RRBP1: variants seen among roughly 807,000 people sequenced by gnomAD.
The protein encoded by RRBP1 is ribosome-binding protein 1.
A neutral mutation model predicts 165.2 loss-of-function variants in RRBP1; 94 were observed. The ratio of observed to expected loss-of-function variants is 0.57; its 90% confidence interval spans 0.48 to 0.68. The LOEUF (loss-of-function observed/expected upper bound fraction) is 0.68. RRBP1 is among the 30% of genes least tolerant of loss of function. RRBP1 has a pLI of 0.00. For missense variants in RRBP1, 1,676 were observed against 1,763.0 expected (o/e 0.95, Z 0.88); for synonymous variants, 680 against 714.5 (o/e 0.95, Z 0.77).
In RRBP1 at chr20:17,645,684, G is replaced by A. The variant is rs1046556066; in HGVS notation, c.1913-2557C>T. 4.6e-5 allele frequency among the ~76,000 whole-genome samples: 7 copies of A among 152,348 alleles called. No individual in the cohort carries two copies. The South Asian group carries it at 8.3e-4, about 18-fold the overall frequency. ...TCCAGATGAGTTGCATTTAAATAACGTACTAACGGGAGCCTAAGGCGTGCC... is the reference window on the plus strand; with the variant it reads ...TCCAGATGAGTTGCATTTAAATAACATACTAACGGGAGCCTAAGGCGTGCC... On this transcript the variant is annotated intron_variant, in intron 3 of 24. Coordinates refer to ENST00000377813, the MANE Select transcript of RRBP1 (RefSeq NM_001365613.2).
chr20:17,669,507 G>GT (rs1462306300), intron 2 of RRBP1, among the ~76,000 whole-genome samples: 1 of 152,190 alleles, frequency 6.6e-6, no homozygotes, highest in East Asian at 1.9e-4. Flanking sequence ...CATCTATACT[G>GT]TATCAAATCA....
Position 17,618,470 on chromosome 20 carries a change from C to T in RRBP1, c.3759+126G>A, listed in dbSNP as rs1034806010. 2.8e-4 allele frequency: 226 copies of T among 798,870 alleles called. No homozygotes were observed. The African/African-American group carries it at 3.1e-3, about 11-fold the overall frequency. The allele number at this position is 798,870 out of a possible 1,614,324, so 49.5% of individuals were successfully genotyped here. Reference sequence around the variant, plus strand: ...CAGAAGCCGGCCCCATGCTGCTCAACGGGTGACACTGTCCCTTCCCTAGGC... The same window carrying T: ...CAGAAGCCGGCCCCATGCTGCTCAATGGGTGACACTGTCCCTTCCCTAGGC... On this transcript the variant is annotated intron_variant, in intron 20 of 24. Transcript: ENST00000377813.
In RRBP1 at chr20:17,627,605, G is replaced by A; in HGVS notation, c.2827C>T (p.Leu943Phe). The A allele has an allele frequency of 6.2e-7, 1 of 1,613,534 alleles. No individual in the cohort carries two copies. Among genetic ancestry groups the A allele is most frequent in the Non-Finnish European group, 8.5e-7 (1 of 1,179,940 alleles). ...GAGTTCTCCGCCCTGGCCTCCTGGAGCTGCCCGTGGAGGCCACTCAGCTCC... is the reference window on the plus strand; with the variant it reads ...GAGTTCTCCGCCCTGGCCTCCTGGAACTGCCCGTGGAGGCCACTCAGCTCC... Reference protein sequence around the residue: ...CEELSGLHGQLQEARAENSQL... With the variant: ...CEELSGLHGQFQEARAENSQL... Residue 943 changes from leucine to phenylalanine, a missense_variant, in exon 10 of 25, where the codon CTC becomes TTC. Coordinates refer to ENST00000377813, the MANE Select transcript of RRBP1 (RefSeq NM_001365613.2).
At chr20:17,664,002 T>C (rs2036819416) in intron 2 of RRBP1, among the ~76,000 whole-genome samples, 1 of 152,238 alleles carries the variant, frequency 6.6e-6, no homozygotes, top group East Asian at 1.9e-4. Context: ...GAAACTGCAG[T>C]AATACTGAAT....
intron 17 of RRBP1, 93 bp from the exon 18 acceptor site, chr20:17,620,463 T>A (rs2035890095): frequency 1.7e-6 from 2 of 1,192,694 alleles, no homozygotes; most frequent in Middle Eastern, 1.9e-4. Flanking sequence ...CTGACCCAAC[T>A]TAGGAAGCCC....
chr20:17,676,429 C>A (rs528595377), intron 2 of RRBP1, among the ~76,000 whole-genome samples: 3 of 152,060 alleles, frequency 2.0e-5, no homozygotes, highest in Non-Finnish European at 2.9e-5. Context: ...AAAACTGAAG[C>A]CCAGGGAGGA....
chr20:17,635,451 T>C, intron 7 of RRBP1, 95 bp downstream of exon 7: 1 of 893,974 alleles, frequency 1.1e-6, no homozygotes, highest in Non-Finnish European at 1.7e-6. Flanking sequence ...GGCCCATGCC[T>C]GGCTCTTGTG....
At chr20:17,621,318 C>A (rs1600727356) in intron 16 of RRBP1, 140 bp downstream of exon 16, 1 of 631,258 alleles carries the variant, frequency 1.6e-6, no homozygotes, top group Admixed American at 2.7e-5. Context: ...ATTTACCATG[C>A]AGCCGAAGAA....
chr20:17,629,226 AG>A, intron 9 of RRBP1, among the ~76,000 whole-genome samples: 1 of 152,158 alleles, frequency 6.6e-6, no homozygotes, highest in East Asian at 1.9e-4. Context: ...TGGCCTGGGG[AG>A]GGGCTCGGGA....
intron 2 of RRBP1, among the ~76,000 whole-genome samples, chr20:17,662,470 G>A (rs924080020): frequency 6.6e-6 from 1 of 152,186 alleles, no homozygotes; most frequent in African/African-American, 2.4e-5. Flanking sequence ...GCGAGACTGA[G>A]TCACACTTTT....
chr20:17,635,702 G>A (rs2036235153), intron 6 of RRBP1, 38 bp from the exon 7 acceptor site: 2 of 1,502,288 alleles, frequency 1.3e-6, no homozygotes, highest in African/African-American at 1.4e-5. Flanking sequence ...AGGCAGCTCG[G>A]CCTCACACAC....
chr20:17,643,111 G>T lies in RRBP1; in HGVS notation c.1929C>A (p.Asp643Glu). Reference protein sequence around the residue: ...KKGEPGPPDADGPLYLPYKTL... With the variant: ...KKGEPGPPDAEGPLYLPYKTL... Reference sequence around the variant, plus strand: ...TCTTGTAGGGGAGGTAGAGAGGGCCGTCGGCATCTGGGGGCCCTGTGCAGC... The same window carrying T: ...TCTTGTAGGGGAGGTAGAGAGGGCCTTCGGCATCTGGGGGCCCTGTGCAGC... The change falls in exon 4 of 25, where the codon GAC (aspartate) becomes GAA (glutamate). Residue 643 changes from aspartate (D) to glutamate (E), a missense_variant. Physicochemically the swap from Asp to Glu is conservative, Grantham distance 45. Transcript: ENST00000377813. This position sits in a 1 kb window ranked among gnomAD's most constrained non-coding sequence, Gnocchi z 4.3. 1 of 1,613,936 alleles carries T rather than the reference G, an allele frequency of 6.2e-7. No homozygotes were observed. Among genetic ancestry groups the T allele is most frequent in the African/African-American group, 1.3e-5 (1 of 75,056 alleles).
intron 2 of RRBP1, among the ~76,000 whole-genome samples, chr20:17,670,493 A>C (rs1412167767): frequency 6.6e-6 from 1 of 151,408 alleles, no homozygotes; most frequent in Non-Finnish European, 1.5e-5. Context: ...AAGTTAAACA[A>C]ATCTTTACCC....
intron 2 of RRBP1, among the ~76,000 whole-genome samples, chr20:17,662,058 C>T (rs941214410): frequency 3.3e-5 from 5 of 152,044 alleles, no homozygotes; most frequent in Admixed American, 6.5e-5. Context: ...GTCAGGAGAT[C>T]GAGACCATCC....
chr20:17,616,960 G>T, intron 20 of RRBP1, 121 bp from the exon 21 acceptor site: 2 of 837,174 alleles, frequency 2.4e-6, no homozygotes, highest in Non-Finnish European at 1.9e-6. Flanking sequence ...CCCTTCAGGG[G>T]ACCTGGCTTG....
intron 20 of RRBP1, 80 bp from the exon 21 acceptor site, chr20:17,616,919 G>A (rs1386893733): frequency 6.2e-6 from 7 of 1,137,208 alleles, no homozygotes; most frequent in East Asian, 2.4e-5. Context: ...GACCCCCTCG[G>A]AGGACCGTAG....
intron 13 of RRBP1, chr20:17,623,024 T>C (rs1283087413): frequency 6.6e-6 from 1 of 152,210 alleles, no homozygotes. Flanking sequence ...GTGACCCATG[T>C]GGACCCTTGA....
At chr20:17,618,297 G>A (rs2035839927) in intron 20 of RRBP1, among the ~76,000 whole-genome samples, 1 of 152,164 alleles carries the variant, frequency 6.6e-6, no homozygotes, top group South Asian at 2.1e-4. Flanking sequence ...GACTACAATG[G>A]GCTCACAGGG....
chr20:17,643,688 T>A lies in RRBP1; in HGVS notation c.1913-561A>T, dbSNP rs375736685. On this transcript the variant is annotated intron_variant, in intron 3 of 24. Coordinates refer to ENST00000377813, the MANE Select transcript of RRBP1 (RefSeq NM_001365613.2). The surrounding 1 kb of genome is among the most constrained non-coding windows in gnomAD (Gnocchi z 4.3). ...CTTCCACACATCAGTGCAAACCCTA[T>A]TTCTAGCTCCCTGGATGAAGCCCAG... is the stretch of plus-strand genomic sequence containing the variant. 9.9e-5 allele frequency among the ~76,000 whole-genome samples: 15 copies of A among 152,120 alleles called. No homozygotes were observed. In the East Asian group the frequency reaches 1.3e-3, roughly 14 times the overall value.
Sources: allele counts gnomAD v4.1 joint callset (sites outside exome capture counted in the v4.1 genomes callset), GRCh38; gene constraint gnomAD v4.1.1; non-coding constraint Gnocchi (gnomAD v3.1); transcripts MANE v1.5; gene names NCBI Gene and HGNC (gene_info 2026-07-23, HGNC 2026-07-21).